MOSPD2: variants seen among roughly 807,000 people sequenced by gnomAD.
MOSPD2 encodes the protein motile sperm domain containing 2, also known as motile sperm domain-containing protein 2.
In MOSPD2, 5 loss-of-function variants were observed where a neutral mutation model predicts 41.7. The observed-to-expected ratio is 0.12, with a 90% CI of 0.06 to 0.25. MOSPD2 has a LOEUF of 0.25. Ranked by LOEUF, MOSPD2 falls within the 10% of genes least tolerant of loss-of-function variation. The pLI is 1.00. For synonymous variants in MOSPD2, 115 were observed against 126.9 expected (o/e 0.91, Z 0.63); for missense variants, 282 against 375.2 (o/e 0.75, Z 2.05).
intron 3 of MOSPD2, 89 bp downstream of exon 3, chrX:14,892,967 C>A: frequency 1.6e-6 from 1 of 641,290 alleles, no homozygotes; most frequent in Non-Finnish European, 2.3e-6. Context: ...TGCACATATT[C>A]CTAGCAGTCA....
chrX:14,902,494 G>A lies in MOSPD2; in HGVS notation c.539-472G>A, dbSNP rs143434321. Reference sequence around the variant, plus strand: ...AACGTAGTGATGTATTAAAAGGGGAGGGGGCAACTGTGAGACTGGTTTAAC... The same window carrying A: ...AACGTAGTGATGTATTAAAAGGGGAAGGGGCAACTGTGAGACTGGTTTAAC... On this transcript the variant is annotated intron_variant, in intron 6 of 14. Transcript: ENST00000380492. Among the ~76,000 whole-genome samples, 128 of 111,734 alleles carry A rather than the reference G, an allele frequency of 1.1e-3. 2 individuals carry two copies. In the East Asian group the frequency reaches 0.027, roughly 23 times the overall value.
chrX:14,898,093 A>C (rs1053265457), intron 5 of MOSPD2, among the ~76,000 whole-genome samples: 3 of 112,283 alleles, frequency 2.7e-5, no homozygotes, highest in Non-Finnish European at 5.6e-5. Context: ...CTGGAAATCT[A>C]TTCTAAAGAA....
rs775166629 is a variant in MOSPD2 at position 14,888,206 on chromosome X, GCACACACACACA to G, written c.80-4485_80-4474del. Among the ~76,000 whole-genome samples the G allele has an allele frequency of 5.7e-3, 322 of 56,777 alleles. 4 individuals are homozygous for G. The highest frequency in any genetic ancestry group is 0.013 in the African/African-American group (275 of 20,463). The allele number at this position is 56,777 out of a possible 115,157, so 49.3% of individuals were successfully genotyped here. A position where few individuals can be genotyped will look rare whatever the true frequency, so the allele number is the denominator to read the frequency against. On this transcript the variant is annotated intron_variant, in intron 2 of 14. Transcript: ENST00000380492. ...ATTGGGAGAATATATACACACACAC[GCACACACACACA>G]CACACACACACACACACACACACAC...
At chrX:14,889,333 C>CT (rs1300557085) in intron 2 of MOSPD2, among the ~76,000 whole-genome samples, 4 of 112,031 alleles carry the variant, frequency 3.6e-5, no homozygotes, top group Non-Finnish European at 7.5e-5. Context: ...GCTCAGTTGT[C>CT]TGAGGGCTGT....
intron 6 of MOSPD2, 81 bp from the exon 7 acceptor site, chrX:14,902,885 C>A: frequency 1.5e-6 from 1 of 686,839 alleles, no homozygotes; most frequent in Non-Finnish European, 2.3e-6. Flanking sequence ...ATTTAGATGA[C>A]CAGTTTTTTC....
Position 14,921,390 on chromosome X carries a change from C to A in MOSPD2, c.*1581C>A, listed in dbSNP as rs773157453. The A allele has an allele frequency of 2.1e-6, 2 of 937,492 alleles. No homozygotes were observed. The highest frequency in any genetic ancestry group is 8.3e-5 in the East Asian group (2 of 24,061). 77.3% of individuals were successfully genotyped at this position (937,492 alleles called of 1,213,427 possible). ...GCTTTTCTGTTTCAGTTTGCCACCTCCAGCTGTGAAATGGACTGCAGTCCA... is the reference window on the plus strand; with the variant it reads ...GCTTTTCTGTTTCAGTTTGCCACCTACAGCTGTGAAATGGACTGCAGTCCA... On this transcript the variant is annotated 3_prime_UTR_variant, in exon 15 of 15. Transcript: ENST00000380492.
Position 14,912,306 on chromosome X carries a change from G to C in MOSPD2, c.937G>C (p.Val313Leu). 4 of 1,190,224 alleles carry C rather than the reference G, an allele frequency of 3.4e-6. No individual in the cohort carries two copies. The highest frequency in any genetic ancestry group is 3.4e-6 in the Non-Finnish European group (3 of 886,047). The stretch of plus-strand genomic sequence containing the variant: ...AGAAAATGAAAAAGTTGATTCAAAA[G>C]TGAAAGCTTTCAAGAAACCATTGAG... ...AEENEKVDSK[V>L]KAFKKPLSVF... Residue 313 changes from valine to leucine, a missense_variant, in exon 10 of 15, where the codon GTG (valine) becomes CTG (leucine). By Grantham distance (32) the Val-to-Leu change is conservative. Transcript: ENST00000380492.
At chrX:14,916,390 C>T in intron 13 of MOSPD2, 64 bp downstream of exon 13, 2 of 1,193,084 alleles carry the variant, frequency 1.7e-6, no homozygotes, top group Non-Finnish European at 2.3e-6. Flanking sequence ...AAAAGTGCCT[C>T]CATGGACCAG....
chrX:14,907,144 G>C, intron 7 of MOSPD2, among the ~76,000 whole-genome samples: 1 of 112,687 alleles, frequency 8.9e-6, no homozygotes, highest in South Asian at 3.7e-4. Context: ...AGTCATTAGA[G>C]AAATGCAAGT....
chrX:14,889,175 A>T (rs899410467), intron 2 of MOSPD2, among the ~76,000 whole-genome samples: 3 of 110,623 alleles, frequency 2.7e-5, no homozygotes, highest in Non-Finnish European at 5.7e-5. Context: ...ATGAGGGAGG[A>T]ACCCTTATGG....
At chrX:14,914,417 A>T (rs1033841362) in intron 10 of MOSPD2, 86 bp from the exon 11 acceptor site, 2 of 563,747 alleles carry the variant, frequency 3.5e-6, no homozygotes, top group African/African-American at 4.8e-5. Context: ...ATAAGATATT[A>T]ACTAAATATT....
chrX:14,917,258 T>C (rs2092601955), intron 13 of MOSPD2, among the ~76,000 whole-genome samples: 1 of 111,695 alleles, frequency 9.0e-6, no homozygotes, highest in Non-Finnish European at 1.9e-5. Flanking sequence ...CTGAAGGAAA[T>C]GAGAGAGCAA....
chrX:14,885,351 C>G (rs2092539183), intron 2 of MOSPD2: 1 of 111,434 alleles, frequency 9.0e-6, no homozygotes, highest in South Asian at 3.7e-4. Context: ...TAACACACCT[C>G]TAAATAATCC....
chrX:14,874,845 C>A (rs2092516888), intron 2 of MOSPD2, among the ~76,000 whole-genome samples: 1 of 112,166 alleles, frequency 8.9e-6, no homozygotes, highest in African/African-American at 3.2e-5. Flanking sequence ...CAGAGAGTTG[C>A]AAAAGCACTT....
intron 7 of MOSPD2, among the ~76,000 whole-genome samples, chrX:14,907,022 C>A (rs2092583478): frequency 9.0e-6 from 1 of 110,964 alleles, no homozygotes; most frequent in Admixed American, 9.6e-5. Flanking sequence ...GAAACTCTGT[C>A]TCAAAAAAAA....
chrX:14,920,904 C>A lies in MOSPD2; in HGVS notation c.*1095C>A, dbSNP rs1404555286. The A allele has an allele frequency of 1.3e-6, 1 of 752,021 alleles. No homozygotes were observed. The highest frequency in any genetic ancestry group is 2.3e-5 in the African/African-American group (1 of 43,038). The allele number at this position is 752,021 out of a possible 1,213,427, so 62.0% of individuals were successfully genotyped here. ...AAAAAAATAAAAAGAAACACAGACG[C>A]CCAGGTGTCAGCTCTCCGTTTAAAG... On this transcript the variant is annotated 3_prime_UTR_variant, in exon 15 of 15. Transcript: ENST00000380492.
At chrX:14,878,847 T>C (rs756065592) in intron 2 of MOSPD2, among the ~76,000 whole-genome samples, 10 of 112,125 alleles carry the variant, frequency 8.9e-5, no homozygotes, top group African/African-American at 2.9e-4. Context: ...GTACAAAATG[T>C]ATAAAACGTG....
In MOSPD2 at chrX:14,898,511, G is replaced by A. The variant is rs6628604; in HGVS notation, c.477+1273G>A. Among the ~76,000 whole-genome samples the A allele has an allele frequency of 1.2e-4, 13 of 111,431 alleles. No individual in the cohort carries two copies. The East Asian group carries it at 2.0e-3, about 17-fold the overall frequency. ...TTCTCTTTTTATTTTTCAAGGATCC[G>A]ATGCCCTGGAGTTTTCCAACCTAGT... On this transcript the variant is annotated intron_variant, in intron 5 of 14. Transcript: ENST00000380492.
At position 14,922,066 on chromosome X, in the gene MOSPD2, T is replaced by TAAC. The variant is rs2092610704; in HGVS notation, c.*2258_*2260dup. 1.8e-5 allele frequency: 2 copies of TAAC among 111,438 alleles called. No individual in the cohort carries two copies. Among genetic ancestry groups the TAAC allele is most frequent in the South Asian group, 7.4e-4 (2 of 2,688 alleles). The allele number at this position is 111,438 out of a possible 1,213,427, so 9.2% of individuals were successfully genotyped here. A position where few individuals can be genotyped will look rare whatever the true frequency, so the allele number is the denominator to read the frequency against. On this transcript the variant is annotated 3_prime_UTR_variant, in exon 15 of 15. Transcript: ENST00000380492. ...CCTGGCCTCAAATTTCATACTACCA[T>TAAC]AACTGTTTTTATATATTGCCACTAA...
Sources: gnomAD v4.1 joint callset for allele counts (sites outside exome capture counted in the v4.1 genomes callset) on GRCh38, gnomAD v4.1.1 for gene constraint, MANE v1.5 for transcripts, NCBI Gene and HGNC (gene_info 2026-07-23, HGNC 2026-07-21) for gene names.